FGF7: variants seen among roughly 807,000 people sequenced by gnomAD.
FGF7 encodes the protein FGF-7.
Under a neutral mutation model 20.5 loss-of-function variants are expected in FGF7, and 6 were observed. The ratio of observed to expected loss-of-function variants is 0.29; its 90% CI spans 0.16 to 0.58. FGF7 has a LOEUF of 0.58. FGF7 is among the 20% of genes least tolerant of loss of function. The pLI, the probability that FGF7 is intolerant of heterozygous loss-of-function variation, is 0.90. For synonymous variants in FGF7, 64 were observed against 74.7 expected, an observed-to-expected ratio of 0.86 and a Z score of 0.74; for missense variants, 144 against 228.8, an observed-to-expected ratio of 0.63 and a Z score of 2.39.
At position 49,484,764 on chromosome 15, in the gene FGF7, CATG is replaced by C. The variant is rs771110897; in HGVS notation, c.*264_*266del. ...AAAATTGTAAAACTGGTTGTACAAT[CATG>C]ATGTTAGTAACAGTAATTTTTTTCT... On this transcript the variant is annotated 3_prime_UTR_variant, in exon 4 of 4. Coordinates refer to ENST00000267843, the MANE Select transcript of FGF7 (RefSeq NM_002009.4). The C allele has an allele frequency of 3.3e-5, 10 of 305,900 alleles. No individual in the cohort carries two copies. Among genetic ancestry groups the C allele is most frequent in the Non-Finnish European group, 5.9e-5 (10 of 168,564 alleles). 18.9% of individuals were successfully genotyped at this position (305,900 alleles called of 1,614,324 possible). A position where few individuals can be genotyped will look rare whatever the true frequency, so the allele number is the denominator to read the frequency against.
At chr15:49,424,903 G>C (rs1197545912) in intron 2 of FGF7, 1 of 171,630 alleles carries the variant, frequency 5.8e-6, no homozygotes, top group East Asian at 1.5e-4. Context: ...TATTGTCTAA[G>C]CAAAACTCAT....
intron 2 of FGF7, among the ~76,000 whole-genome samples, chr15:49,475,859 A>G (rs2055216371): frequency 6.6e-6 from 1 of 152,166 alleles, no homozygotes; most frequent in South Asian, 2.1e-4. Context: ...GTGGTGGCGC[A>G]TGCCTGTAAT....
At chr15:49,443,922 A>G (rs1354116119) in intron 2 of FGF7, among the ~76,000 whole-genome samples, 1 of 134,540 alleles carries the variant, frequency 7.4e-6, no homozygotes, top group Admixed American at 8.4e-5. Context: ...TTTCCCTGAG[A>G]GTCAGTTGTT....
chr15:49,433,639 T>A lies in FGF7; in HGVS notation c.286+9056T>A, dbSNP rs80019499. 6.4e-3 allele frequency among the ~76,000 whole-genome samples: 978 copies of A among 151,720 alleles called. 14 individuals carry two copies. Among genetic ancestry groups the A allele is most frequent in the African/African-American group, 0.023 (940 of 41,452 alleles). The stretch of plus-strand genomic sequence containing the variant: ...TGATTTAATGTCTTTCTAGGTGATT[T>A]CAAGGAACTGGTGGAAAATTTGGTT... On this transcript the variant is annotated intron_variant, in intron 2 of 3. Coordinates refer to ENST00000267843, the MANE Select transcript of FGF7 (RefSeq NM_002009.4).
chr15:49,431,562 T>C lies in FGF7; in HGVS notation c.286+6979T>C, dbSNP rs529755813. ...AAAATTTGATGTATACTGGGGAGAA[T>C]TGGCTCTAGAGATTCTCCAGTTGCT... On this transcript the variant is annotated intron_variant, in intron 2 of 3. Transcript: ENST00000267843. Among the ~76,000 whole-genome samples the C allele has an allele frequency of 2.9e-4, 44 of 151,810 alleles. 1 individual carries two copies. Among genetic ancestry groups the C allele is most frequent in the Middle Eastern group, 3.4e-3 (1 of 294 alleles).
At chr15:49,462,414 C>G (rs962878839) in intron 2 of FGF7, among the ~76,000 whole-genome samples, 2 of 152,186 alleles carry the variant, frequency 1.3e-5, no homozygotes, top group Non-Finnish European at 2.9e-5. Context: ...CTTGTACTCA[C>G]TAGAGAGCTG....
chr15:49,448,012 G>C (rs1300935686), intron 2 of FGF7, among the ~76,000 whole-genome samples: 3 of 151,604 alleles, frequency 2.0e-5, no homozygotes, highest in Non-Finnish European at 4.4e-5. Flanking sequence ...TTTGATTTGA[G>C]AGTTTGAAAT....
chr15:49,437,998 G>A (rs149453888), intron 2 of FGF7, among the ~76,000 whole-genome samples: 1 of 151,720 alleles, frequency 6.6e-6, no homozygotes, highest in African/African-American at 2.4e-5. Flanking sequence ...GGTAGGAAAT[G>A]GGGAAGGGAG....
chr15:49,439,955 T>C (rs535296292), intron 2 of FGF7, among the ~76,000 whole-genome samples: 27 of 151,888 alleles, frequency 1.8e-4, no homozygotes, highest in Non-Finnish European at 3.4e-4. Context: ...GGAAAAAATA[T>C]GCACAAATAT....
chr15:49,444,799 C>A (rs1018493866), intron 2 of FGF7, among the ~76,000 whole-genome samples: 6 of 151,546 alleles, frequency 4.0e-5, no homozygotes, highest in African/African-American at 1.5e-4. Flanking sequence ...TCAATTTAAG[C>A]CATCTTGAAT....
At chr15:49,449,665 T>C (rs1164889350) in intron 2 of FGF7, among the ~76,000 whole-genome samples, 1 of 152,076 alleles carries the variant, frequency 6.6e-6, no homozygotes, top group Admixed American at 6.6e-5. Flanking sequence ...ATCTTAAGCT[T>C]GTCCAGGTCC....
In FGF7 at chr15:49,488,139, T is replaced by C. The variant is rs1361157764; in HGVS notation, c.*3635T>C. 1 of 152,010 alleles carries C rather than the reference T, an allele frequency of 6.6e-6. No homozygotes were observed. Among genetic ancestry groups the C allele is most frequent in the Non-Finnish European group, 1.5e-5 (1 of 67,946 alleles). The allele number at this position is 152,010 out of a possible 1,614,324, so 9.4% of individuals were successfully genotyped here. ...CTATGACTAACTTGTGGGTATCATT[T>C]CTATGATCACCCTAAAACAGAGTTG... On this transcript the variant is annotated 3_prime_UTR_variant, in exon 4 of 4. Transcript: ENST00000267843.
rs538992007 is a variant in FGF7 at position 49,453,094 on chromosome 15, T to C, written c.286+28511T>C. Among the ~76,000 whole-genome samples, 3 of 152,226 alleles carry C rather than the reference T, an allele frequency of 2.0e-5. No homozygotes were observed. In the East Asian group the frequency reaches 5.8e-4, roughly 29 times the overall value. Reference sequence around the variant, plus strand: ...TTTTATAAATAATCTTAGGTAATCATCCTAAAATATTGCATTGAGGTCAAC... The same window carrying C: ...TTTTATAAATAATCTTAGGTAATCACCCTAAAATATTGCATTGAGGTCAAC... On this transcript the variant is annotated intron_variant, in intron 2 of 3. Coordinates refer to ENST00000267843, the MANE Select transcript of FGF7 (RefSeq NM_002009.4).
chr15:49,483,301 G>A (rs770652780), intron 3 of FGF7, 47 bp downstream of exon 3: 8 of 933,586 alleles, frequency 8.6e-6, no homozygotes, highest in Non-Finnish European at 1.0e-5. Context: ...ACTCATTTTT[G>A]TCAAAATATC....
chr15:49,434,065 A>C (rs1307954789), intron 2 of FGF7, among the ~76,000 whole-genome samples: 1 of 151,514 alleles, frequency 6.6e-6, no homozygotes, highest in African/African-American at 2.4e-5. Flanking sequence ...AAGTCAAGAA[A>C]GTTGGTGAAT....
rs908839421 is a variant in FGF7, at chr15:49,441,270, A to G, written c.286+16687A>G. 3.3e-5 allele frequency among the ~76,000 whole-genome samples: 5 copies of G among 151,864 alleles called. No individual in the cohort carries two copies. In the East Asian group the frequency reaches 9.7e-4, roughly 30 times the overall value. On this transcript the variant is annotated intron_variant, in intron 2 of 3. Transcript: ENST00000267843. ...CTTAGATTTTCAAATTAAACACTCA[A>G]TTCATACTTATTTAGCATCAATTTA...
intron 2 of FGF7, among the ~76,000 whole-genome samples, chr15:49,442,994 A>G (rs1015391412): frequency 7.2e-5 from 11 of 151,746 alleles, no homozygotes; most frequent in South Asian, 2.1e-4. Context: ...GCTGTATTGC[A>G]TCTCACAAAA....
chr15:49,443,162 TTTG>T (rs2051832942), intron 2 of FGF7, among the ~76,000 whole-genome samples: 1 of 151,666 alleles, frequency 6.6e-6, no homozygotes, highest in African/African-American at 2.4e-5. Context: ...TTTCAAAAAT[TTTG>T]TTAACTTATT....
chr15:49,431,630 T>C lies in FGF7; in HGVS notation c.286+7047T>C, dbSNP rs73398290. Among the ~76,000 whole-genome samples the C allele has an allele frequency of 9.7e-3, 1,478 of 151,776 alleles. 23 individuals carry two copies. The highest frequency in any genetic ancestry group is 0.034 in the African/African-American group (1,419 of 41,448). ...AAAGTAATCTCTTCTACTGGAGTGG[T>C]CATGAGTACTTGATAGAGTCATTAG... On this transcript the variant is annotated intron_variant, in intron 2 of 3. Coordinates refer to ENST00000267843, the MANE Select transcript of FGF7 (RefSeq NM_002009.4).
Sources: allele counts gnomAD v4.1 joint callset (sites outside exome capture counted in the v4.1 genomes callset), GRCh38; gene constraint gnomAD v4.1.1; transcripts MANE v1.5; gene names NCBI Gene and HGNC (gene_info 2026-07-23, HGNC 2026-07-21).